The following NCAM2 variants were observed in gnomAD, a reference collection of about 807,000 sequenced individuals.
NCAM2 encodes neural cell adhesion molecule 2.
In NCAM2, 30 loss-of-function variants were observed where a neutral mutation model predicts 98.1. That is an observed-to-expected ratio of 0.31 (90% CI 0.23 to 0.41). The LOEUF (loss-of-function observed/expected upper bound fraction) is 0.41. Ranked by LOEUF, NCAM2 falls within the 10% of genes least tolerant of loss-of-function variation. The probability of loss-of-function intolerance (pLI) is 1.00; values close to 1 mark genes in which losing one functional copy is unlikely to be tolerated. For synonymous variants in NCAM2, 368 were observed against 342.4 expected, an observed-to-expected ratio of 1.07 and a Z score of -0.83; for missense variants, 867 against 1,005.8, an observed-to-expected ratio of 0.86 and a Z score of 1.87.
intron 11 of NCAM2, among the ~76,000 whole-genome samples, chr21:21,431,628 C>G (rs2077346727): frequency 6.6e-6 from 1 of 152,068 alleles, no homozygotes; most frequent in Non-Finnish European, 1.5e-5. Flanking sequence ...AAACTTAGCA[C>G]TTACCTACAA....
chr21:21,471,505 T>C (rs1984437685), intron 14 of NCAM2, among the ~76,000 whole-genome samples: 1 of 152,056 alleles, frequency 6.6e-6, no homozygotes, highest in African/African-American at 2.4e-5. Flanking sequence ...ACATATTCAA[T>C]ATATTTTTAA....
intron 9 of NCAM2, among the ~76,000 whole-genome samples, chr21:21,396,505 G>A (rs1201627804): frequency 6.6e-6 from 1 of 152,076 alleles, no homozygotes; most frequent in Admixed American, 6.6e-5. Context: ...GGTTTTGCTT[G>A]CTTCCACTGG....
intron 16 of NCAM2, among the ~76,000 whole-genome samples, chr21:21,511,168 A>AT (rs1456517573): frequency 6.6e-6 from 1 of 151,960 alleles, no homozygotes; most frequent in East Asian, 1.9e-4. Flanking sequence ...CTGATACATT[A>AT]TTTTTGGCTG....
At chr21:21,193,604 T>C (rs904219868) in intron 1 of NCAM2, among the ~76,000 whole-genome samples, 23 of 149,590 alleles carry the variant, frequency 1.5e-4, no homozygotes, top group African/African-American at 4.9e-5. Context: ...CAAGCAATTC[T>C]CCTGCCTCAG....
At chr21:21,379,437 C>T (rs2076103811) in intron 9 of NCAM2, among the ~76,000 whole-genome samples, 1 of 151,930 alleles carries the variant, frequency 6.6e-6, no homozygotes, top group Non-Finnish European at 1.5e-5. Flanking sequence ...AACGGAACCC[C>T]CCAATATTGT....
intron 9 of NCAM2, among the ~76,000 whole-genome samples, chr21:21,386,014 GAGTT>G (rs1389281024): frequency 2.6e-5 from 4 of 151,996 alleles, no homozygotes; most frequent in African/African-American, 9.7e-5. Flanking sequence ...ATAAAAGAGA[GAGTT>G]AGCAGTATCA....
intron 5 of NCAM2, among the ~76,000 whole-genome samples, chr21:21,312,449 G>C (rs1176186972): frequency 1.3e-5 from 2 of 151,268 alleles, no homozygotes; most frequent in African/African-American, 4.8e-5. Context: ...GGTTTCTGAA[G>C]CTCTATTCAT....
At chr21:21,221,954 G>A (rs2070186724) in intron 1 of NCAM2, among the ~76,000 whole-genome samples, 2 of 152,138 alleles carry the variant, frequency 1.3e-5, no homozygotes, top group African/African-American at 2.4e-5. Context: ...GGGGCAGGGG[G>A]TGGCTAATGC....
chr21:21,536,477 C>T (rs933246664), intron 17 of NCAM2, among the ~76,000 whole-genome samples: 5 of 151,708 alleles, frequency 3.3e-5, no homozygotes, highest in East Asian at 1.9e-4. Flanking sequence ...CCTCAACCTC[C>T]GCCTCCCAGG....
chr21:21,471,267 G>A (rs142836671), intron 14 of NCAM2, among the ~76,000 whole-genome samples: 34 of 151,932 alleles, frequency 2.2e-4, no homozygotes, highest in Non-Finnish European at 4.7e-4. Flanking sequence ...TCCCTATTTT[G>A]TTGTTGTCTC....
chr21:21,500,604 TATAAAG>T (rs547843386), intron 15 of NCAM2, among the ~76,000 whole-genome samples: 156 of 152,212 alleles, frequency 1.0e-3, no homozygotes, highest in African/African-American at 3.6e-3. Flanking sequence ...CTTTCAAATA[TATAAAG>T]ATAAATATTT....
At chr21:21,328,411 C>A (rs1210614254) in intron 6 of NCAM2, among the ~76,000 whole-genome samples, 1 of 151,998 alleles carries the variant, frequency 6.6e-6, no homozygotes, top group Non-Finnish European at 1.5e-5. Flanking sequence ...CAGGCAGTTT[C>A]TTTAGATAAT....
intron 14 of NCAM2, among the ~76,000 whole-genome samples, chr21:21,476,670 G>A (rs1433242575): frequency 3.3e-5 from 5 of 151,976 alleles, no homozygotes; most frequent in Non-Finnish European, 7.4e-5. Context: ...GAATGAGATA[G>A]TATTTAAGTG....
At chr21:21,395,378 A>G (rs2076480933) in intron 9 of NCAM2, among the ~76,000 whole-genome samples, 6 of 152,166 alleles carry the variant, frequency 3.9e-5, no homozygotes, top group Admixed American at 2.6e-4. Flanking sequence ...TAAATTAGGG[A>G]GATAGAACAT....
At chr21:21,364,231 A>G (rs1183815192) in intron 8 of NCAM2, among the ~76,000 whole-genome samples, 1 of 151,946 alleles carries the variant, frequency 6.6e-6, no homozygotes, top group East Asian at 1.9e-4. Flanking sequence ...CATGTTCTGT[A>G]TAAAATATTT....
chr21:21,434,951 A>G (rs1238420511), intron 12 of NCAM2, among the ~76,000 whole-genome samples: 1 of 152,120 alleles, frequency 6.6e-6, no homozygotes, highest in African/African-American at 2.4e-5. Flanking sequence ...TGGGACAGGC[A>G]TCTAAGTACC....
intron 9 of NCAM2, among the ~76,000 whole-genome samples, chr21:21,386,732 T>A (rs1047099675): frequency 6.6e-6 from 1 of 152,040 alleles, no homozygotes; most frequent in Non-Finnish European, 1.5e-5. Context: ...TCAGATCAGA[T>A]CTTGTTAAAA....
rs1297227666 is a variant in NCAM2, at chr21:21,257,656, C to G, written c.56-22922C>G. Among the ~76,000 whole-genome samples the G allele has an allele frequency of 4.6e-5, 7 of 152,242 alleles. No individual in the cohort carries two copies. The East Asian group carries it at 1.4e-3, about 29-fold the overall frequency. On this transcript the variant is annotated intron_variant, in intron 1 of 17. Coordinates refer to ENST00000400546, the MANE Select transcript of NCAM2 (RefSeq NM_004540.5). ...TGAGTCCAGTGGCGCAGTCTCTGCTCACTGCAACCTCTGCCTCCCGGGTTG... is the reference window on the plus strand; with the variant it reads ...TGAGTCCAGTGGCGCAGTCTCTGCTGACTGCAACCTCTGCCTCCCGGGTTG...
At chr21:21,275,464 T>TA (rs1031166413) in intron 1 of NCAM2, among the ~76,000 whole-genome samples, 3 of 150,862 alleles carry the variant, frequency 2.0e-5, no homozygotes, top group Non-Finnish European at 4.4e-5. Flanking sequence ...TAAAAATAAA[T>TA]AAAAAAAGAA....
Sources: allele counts gnomAD v4.1 joint callset (sites outside exome capture counted in the v4.1 genomes callset), GRCh38; gene constraint gnomAD v4.1.1; transcripts MANE v1.5; gene names NCBI Gene and HGNC (gene_info 2026-07-23, HGNC 2026-07-21).